BCAS3: variants seen among roughly 807,000 people sequenced by gnomAD.
BCAS3 encodes the protein BCAS3 microtubule associated cell migration factor.
BCAS3 carries 53 observed loss-of-function variants against 116.1 expected under a neutral mutation model. That is an observed-to-expected ratio of 0.46 (90% CI 0.37 to 0.57). The LOEUF is 0.57. Among genes scored for constraint, BCAS3 ranks in the 20% least tolerant of loss-of-function variants. The pLI is 0.00. For missense variants in BCAS3, 917 were observed against 1,165.4 expected, an observed-to-expected ratio of 0.79 and a Z score of 3.10; for synonymous variants, 391 against 408.2, an observed-to-expected ratio of 0.96 and a Z score of 0.51.
intron 7 of BCAS3, among the ~76,000 whole-genome samples, chr17:60,857,557 A>G (rs1350108457): frequency 6.6e-6 from 1 of 152,146 alleles, no homozygotes; most frequent in Non-Finnish European, 1.5e-5. Flanking sequence ...ATGTCTGTCT[A>G]TTTTAGTATA....
At position 61,318,844 on chromosome 17, in the gene BCAS3, G is replaced by A. The variant is rs540055514; in HGVS notation, c.2426-49483G>A. Among the ~76,000 whole-genome samples, 5 of 152,214 alleles carry A rather than the reference G, an allele frequency of 3.3e-5. No homozygotes were observed. In the East Asian group the frequency reaches 7.7e-4, roughly 24 times the overall value. On this transcript the variant is annotated intron_variant, in intron 22 of 23. Transcript: ENST00000407086. ...CTTGCTGGAGAGTGCTTTCCTTCCC[G>A]TTGGTATGATAATAGCCGCAGCTAT...
chr17:60,686,607 C>T (rs566671139), intron 3 of BCAS3, among the ~76,000 whole-genome samples: 2 of 152,088 alleles, frequency 1.3e-5, no homozygotes, highest in Admixed American at 1.3e-4. Flanking sequence ...CTCACTGCAA[C>T]CTCTGCCTAC....
chr17:60,814,886 CCTTCTAGA>C (rs1315904255), intron 7 of BCAS3, among the ~76,000 whole-genome samples: 1 of 152,096 alleles, frequency 6.6e-6, no homozygotes, highest in African/African-American at 2.4e-5. Flanking sequence ...AAGTCCTGTG[CCTTCTAGA>C]TTCCTCAAGG....
intron 6 of BCAS3, among the ~76,000 whole-genome samples, chr17:60,763,728 G>A (rs372709051): frequency 2.0e-5 from 3 of 152,102 alleles, no homozygotes; most frequent in Non-Finnish European, 2.9e-5. Context: ...GTTAGGGAGG[G>A]TTCCCTCTTT....
intron 19 of BCAS3, among the ~76,000 whole-genome samples, chr17:61,061,751 C>T (rs1016696481): frequency 6.6e-6 from 1 of 152,012 alleles, no homozygotes. Flanking sequence ...GTGAGAATAC[C>T]GTTGCTACTG....
rs10671633 is a variant in BCAS3 at position 61,095,844 on chromosome 17, TACAC to T, written c.2425+11306_2425+11309del. Among the ~76,000 whole-genome samples, 51 of 146,316 alleles carry T rather than the reference TACAC, an allele frequency of 3.5e-4. No homozygotes were observed. The highest frequency in any genetic ancestry group is 7.0e-3 in the Middle Eastern group (2 of 284). ...AAAACCACTGGTATGCATATTCTCGTACACACACACACACACACACACACACACA... is the reference window on the plus strand; with the variant it reads ...AAAACCACTGGTATGCATATTCTCGTACACACACACACACACACACACACA... On this transcript the variant is annotated intron_variant, in intron 22 of 23. Transcript: ENST00000407086. This position sits in a 1 kb window ranked among gnomAD's most constrained non-coding sequence, Gnocchi z 4.7.
intron 22 of BCAS3, among the ~76,000 whole-genome samples, chr17:61,254,858 A>T (rs1036352080): frequency 6.6e-6 from 1 of 151,566 alleles, no homozygotes; most frequent in Admixed American, 6.6e-5. Flanking sequence ...AAAGTCGTTC[A>T]TCCTGACCAA....
intron 22 of BCAS3, among the ~76,000 whole-genome samples, chr17:61,338,777 C>G (rs1236319603): frequency 2.0e-5 from 3 of 151,236 alleles, no homozygotes. Context: ...TTTCCATTTC[C>G]TAGGAAGAAT....
intron 13 of BCAS3, among the ~76,000 whole-genome samples, chr17:60,940,642 ATCTATACAGGTG>A (rs2060176591): frequency 6.6e-6 from 1 of 152,244 alleles, no homozygotes; most frequent in South Asian, 2.1e-4. Flanking sequence ...GTAAGTTTGT[ATCTATACAGGTG>A]TTAATTGAAA....
intron 4 of BCAS3, among the ~76,000 whole-genome samples, chr17:60,690,907 G>A (rs969927152): frequency 1.3e-5 from 2 of 151,808 alleles, no homozygotes; most frequent in East Asian, 2.0e-4. Flanking sequence ...GCGACAGAGC[G>A]AGACTTTGTC....
chr17:60,944,973 G>A (rs919917034), intron 13 of BCAS3, among the ~76,000 whole-genome samples: 1 of 151,986 alleles, frequency 6.6e-6, no homozygotes, highest in African/African-American at 2.4e-5. Flanking sequence ...GCAGTAAGTC[G>A]AGAAAATTGA....
Position 61,336,720 on chromosome 17 carries a change from T to A in BCAS3, c.2426-31607T>A, listed in dbSNP as rs550162760. Among the ~76,000 whole-genome samples the A allele has an allele frequency of 3.9e-5, 6 of 152,208 alleles. No homozygotes were observed. The East Asian group carries it at 5.8e-4, about 15-fold the overall frequency. Reference sequence around the variant, plus strand: ...GTCTTAATGTTACTGACAACTTTGTTTGGGGAAAGCTAGATTTGGGGGCAT... The same window carrying A: ...GTCTTAATGTTACTGACAACTTTGTATGGGGAAAGCTAGATTTGGGGGCAT... On this transcript the variant is annotated intron_variant, in intron 22 of 23. Transcript: ENST00000407086.
intron 18 of BCAS3, among the ~76,000 whole-genome samples, 183 bp downstream of exon 18, chr17:61,038,237 AC>A (rs1221170535): frequency 1.4e-5 from 2 of 144,476 alleles, no homozygotes; most frequent in African/African-American, 2.6e-5. Context: ...TCCTTCTTTC[AC>A]CCCCTTTGTC....
At chr17:61,201,667 G>A (rs16945010) in intron 22 of BCAS3, among the ~76,000 whole-genome samples, 28,400 of 151,948 alleles carry the variant, frequency 0.19, 2,983 homozygotes, top group African/African-American at 0.29. Context: ...CGTGAAGTAC[G>A]TTCCACGTTC....
Position 61,037,824 on chromosome 17 carries a change from T to C in BCAS3, c.1763-65T>C, listed in dbSNP as rs896999743. 1.4e-6 allele frequency: 2 copies of C among 1,418,114 alleles called. No individual in the cohort carries two copies. Among genetic ancestry groups the C allele is most frequent in the South Asian group, 1.3e-5 (1 of 75,110 alleles). The allele number at this position is 1,418,114 out of a possible 1,614,324, so 87.8% of individuals were successfully genotyped here. A position where few individuals can be genotyped will look rare whatever the true frequency, so the allele number is the denominator to read the frequency against. On this transcript the variant is annotated intron_variant, in intron 17 of 23. Transcript: ENST00000407086. The surrounding 1 kb of genome is among the most constrained non-coding windows in gnomAD (Gnocchi z 4.7). Reference sequence around the variant, plus strand: ...GCAGACTAATAAGATCATTAACTTGTAAAAATTATTCTGTGCTCCATTTAT... The same window carrying C: ...GCAGACTAATAAGATCATTAACTTGCAAAAATTATTCTGTGCTCCATTTAT...
chr17:60,689,545 T>G, intron 3 of BCAS3, 141 bp from the exon 4 acceptor site: 1 of 515,162 alleles, frequency 1.9e-6, no homozygotes, highest in Non-Finnish European at 3.4e-6. Flanking sequence ...GTAATAATGT[T>G]CTAAAATATT....
intron 22 of BCAS3, among the ~76,000 whole-genome samples, chr17:61,329,217 A>G (rs2056007134): frequency 6.6e-6 from 1 of 151,890 alleles, no homozygotes; most frequent in Non-Finnish European, 1.5e-5. Flanking sequence ...CACCGATCCT[A>G]TCATGAGTAC....
At chr17:61,177,047 A>T (rs1203646801) in intron 22 of BCAS3, among the ~76,000 whole-genome samples, 1 of 152,240 alleles carries the variant, frequency 6.6e-6, no homozygotes, top group African/African-American at 2.4e-5. Context: ...AATGCTGATC[A>T]TACCTAGTCT....
At chr17:61,046,010 AT>A (rs1156496784) in intron 19 of BCAS3, among the ~76,000 whole-genome samples, 329 of 10,006 alleles carry the variant, frequency 0.033, 20 homozygotes, top group Admixed American at 0.053. Context: ...TAATATATAT[AT>A]TTATATATAT....
Sources: gnomAD v4.1 joint callset for allele counts (sites outside exome capture counted in the v4.1 genomes callset) on GRCh38, gnomAD v4.1.1 for gene constraint, Gnocchi (gnomAD v3.1) non-coding constraint, MANE v1.5 for transcripts, NCBI Gene and HGNC (gene_info 2026-07-23, HGNC 2026-07-21) for gene names.